The following RPS3 variants were observed in gnomAD, a reference collection of about 807,000 sequenced individuals.
RPS3 encodes the protein small ribosomal subunit protein uS3.
In RPS3, 2 loss-of-function variants were observed where a neutral mutation model predicts 25.8. That is an observed-to-expected ratio of 0.08 (90% CI 0.03 to 0.24). The LOEUF (loss-of-function observed/expected upper bound fraction) is 0.24. Among genes scored for constraint, RPS3 ranks in the 10% least tolerant of loss-of-function variants. The probability of loss-of-function intolerance (pLI) is 1.00; values close to 1 mark genes in which losing one functional copy is unlikely to be tolerated. For synonymous variants in RPS3, 114 were observed against 114.2 expected, an observed-to-expected ratio of 1.00 and a Z score of 0.01; for missense variants, 107 against 307.1, an observed-to-expected ratio of 0.35 and a Z score of 4.87.
In RPS3 at chr11:75,419,034, G is replaced by A. The variant is rs998481885; in HGVS notation, c.*4-2693G>A. Among the ~76,000 whole-genome samples the A allele has an allele frequency of 2.6e-5, 4 of 152,136 alleles. No homozygotes were observed. In the South Asian group the frequency reaches 8.3e-4, roughly 32 times the overall value. On this transcript the variant is annotated intron_variant, in intron 6 of 6. Transcript: ENST00000527446. ...TTTTTGCTTTTTAGAGCGAGCTTCC[G>A]GGGAAGCATAGCACAGCAATAGGGC...
chr11:75,401,491 A>G, intron 2 of RPS3, 149 bp from the exon 3 acceptor site: 1 of 611,792 alleles, frequency 1.6e-6, no homozygotes, highest in Non-Finnish European at 2.9e-6. Flanking sequence ...CCCTGTCTCA[A>G]AAAAAAAAGC....
At chr11:75,414,467 C>T (rs1387075993) in intron 6 of RPS3, among the ~76,000 whole-genome samples, 1 of 152,122 alleles carries the variant, frequency 6.6e-6, no homozygotes, top group African/African-American at 2.4e-5. Context: ...AAAAATTAGC[C>T]AGGCGTGGTG....
At chr11:75,420,080 C>T (rs922185486) in intron 6 of RPS3, among the ~76,000 whole-genome samples, 30 of 152,148 alleles carry the variant, frequency 2.0e-4, no homozygotes, top group Non-Finnish European at 2.1e-4. Flanking sequence ...AACAAGGGAG[C>T]GAACGGCAAA....
downstream of RPS3, among the ~76,000 whole-genome samples, chr11:75,408,949 C>G (rs1053111619): frequency 1.3e-5 from 2 of 151,938 alleles, no homozygotes; most frequent in African/African-American, 2.4e-5. Flanking sequence ...CTCTATATGC[C>G]ACTCTAAACA....
chr11:75,416,207 A>G (rs907241459), intron 6 of RPS3, among the ~76,000 whole-genome samples: 4 of 152,140 alleles, frequency 2.6e-5, no homozygotes, highest in African/African-American at 9.7e-5. Context: ...CTGACCTATC[A>G]CAGCAAGTGC....
At chr11:75,408,609 G>T (rs1948310794), downstream of RPS3, among the ~76,000 whole-genome samples, 1 of 152,088 alleles carries the variant, frequency 6.6e-6, no homozygotes, top group African/African-American at 2.4e-5. Context: ...AGACAGTCTT[G>T]CTCTGTCGCC....
intron 6 of RPS3, among the ~76,000 whole-genome samples, chr11:75,417,783 G>T (rs1390794344): frequency 6.6e-6 from 1 of 152,228 alleles, no homozygotes; most frequent in African/African-American, 2.4e-5. Flanking sequence ...GCTTTCTGAG[G>T]TGCTGCTTGT....
chr11:75,417,437 T>C (rs1948408640), intron 6 of RPS3, among the ~76,000 whole-genome samples: 2 of 151,840 alleles, frequency 1.3e-5, no homozygotes, highest in Admixed American at 6.6e-5. Flanking sequence ...CTACTAAAAA[T>C]ACAAAAAAAA....
Position 75,402,348 on chromosome 11 carries a change from AAAGCTTTATGCTG to A in RPS3, c.256-1_267del. 6.2e-7 allele frequency: 1 copy of A among 1,613,620 alleles called. No homozygotes were observed. Among genetic ancestry groups the A allele is most frequent in the Non-Finnish European group, 8.5e-7 (1 of 1,179,520 alleles). ...TAACAGGATATCCCTTGCTTCCTTT[AAAGCTTTATGCTG>A]AAAAGGTGGCCACTAGAGGTCTGTG... is the stretch of plus-strand genomic sequence containing the variant. On this transcript the variant is annotated splice_acceptor_variant and splice_polypyrimidine_tract_variant and coding_sequence_variant and intron_variant, in exon 4 of 7. Transcript: ENST00000531188. LOFTEE classifies it high-confidence loss of function.
At chr11:75,401,504 C>A (rs148071363) in intron 2 of RPS3, 136 bp from the exon 3 acceptor site, 1 of 643,022 alleles carries the variant, frequency 1.6e-6, no homozygotes, top group African/African-American at 1.8e-5. Flanking sequence ...AAAAAAGCTG[C>A]GTTTTAAAAA....
At chr11:75,420,093 C>T (rs1948430612) in intron 6 of RPS3, among the ~76,000 whole-genome samples, 1 of 152,318 alleles carries the variant, frequency 6.6e-6, no homozygotes. Context: ...ACGGCAAAGC[C>T]GCACACCTGA....
At chr11:75,410,357 C>T (rs1365747559), downstream of RPS3, among the ~76,000 whole-genome samples, 5 of 151,244 alleles carry the variant, frequency 3.3e-5, no homozygotes, top group East Asian at 2.0e-4. Context: ...GACAGGGCGG[C>T]GGGGCAGAGG....
chr11:75,404,295 T>C lies in RPS3; in HGVS notation c.538+88T>C. ...CTTAAGTATTTGGGGGAGTTTATCATGGAAGTAGCTGGGCATGTTCATATT... is the reference window on the plus strand; with the variant it reads ...CTTAAGTATTTGGGGGAGTTTATCACGGAAGTAGCTGGGCATGTTCATATT... On this transcript the variant is annotated intron_variant, in intron 5 of 6. Coordinates refer to ENST00000531188, the MANE Select transcript of RPS3 (RefSeq NM_001005.5). The surrounding 1 kb of genome is among the most constrained non-coding windows in gnomAD (Gnocchi z 4.6). 8.4e-7 allele frequency: 1 copy of C among 1,191,020 alleles called. No individual in the cohort carries two copies. The highest frequency in any genetic ancestry group is 1.2e-6 in the Non-Finnish European group (1 of 814,136). 73.8% of individuals were successfully genotyped at this position (1,191,020 alleles called of 1,614,324 possible). A position where few individuals can be genotyped will look rare whatever the true frequency, so the allele number is the denominator to read the frequency against.
Position 75,404,549 on chromosome 11 carries a change from G to A in RPS3, c.539-123G>A, listed in dbSNP as rs1324812092. 3 of 920,914 alleles carry A rather than the reference G, an allele frequency of 3.3e-6. No homozygotes were observed. Among genetic ancestry groups the A allele is most frequent in the African/African-American group, 3.2e-5 (2 of 61,708 alleles). The allele number at this position is 920,914 out of a possible 1,614,324, so 57.0% of individuals were successfully genotyped here. On this transcript the variant is annotated intron_variant, in intron 5 of 6. Coordinates refer to ENST00000531188, the MANE Select transcript of RPS3 (RefSeq NM_001005.5). This position sits in a 1 kb window ranked among gnomAD's most constrained non-coding sequence, Gnocchi z 4.6. Reference sequence around the variant, plus strand: ...TGTCCTATTTATTGATCGATTTAGAGGCATTTGTCTGAGAAGGGTCCAGAC... The same window carrying A: ...TGTCCTATTTATTGATCGATTTAGAAGCATTTGTCTGAGAAGGGTCCAGAC...
intron 6 of RPS3, among the ~76,000 whole-genome samples, chr11:75,421,297 G>C (rs1948442880): frequency 6.6e-6 from 1 of 152,182 alleles, no homozygotes; most frequent in Admixed American, 6.5e-5. Flanking sequence ...GGGGTGGGAT[G>C]TGGGGCTGGC....
At chr11:75,419,553 C>T (rs183692611) in intron 6 of RPS3, among the ~76,000 whole-genome samples, 4 of 144,098 alleles carry the variant, frequency 2.8e-5, no homozygotes, top group Non-Finnish European at 6.1e-5. Context: ...GACTCCTTCT[C>T]AAACAAAAAA....
chr11:75,409,193 A>G (rs565016726), downstream of RPS3, among the ~76,000 whole-genome samples: 13 of 149,328 alleles, frequency 8.7e-5, no homozygotes, highest in Non-Finnish European at 1.9e-4. Context: ...TTATTTATTT[A>G]TTTATTTTTT....
Position 75,402,473 on chromosome 11 carries a change from T to C in RPS3, c.350+27T>C, listed in dbSNP as rs538264377. 1.8e-4 allele frequency: 288 copies of C among 1,582,768 alleles called. 3 individuals are homozygous for C. The South Asian group carries it at 3.1e-3, about 17-fold the overall frequency. On this transcript the variant is annotated intron_variant, in intron 4 of 6. Transcript: ENST00000531188. Reference sequence around the variant, plus strand: ...TAAGTGTCCTGAGACCTAATGGTCATGACCTTTTGTGTGTATCAACATACA... The same window carrying C: ...TAAGTGTCCTGAGACCTAATGGTCACGACCTTTTGTGTGTATCAACATACA...
Position 75,404,283 on chromosome 11 carries a change from G to A in RPS3, c.538+76G>A. ...TTCCACAGACATCTTAAGTATTTGG[G>A]GGAGTTTATCATGGAAGTAGCTGGG... On this transcript the variant is annotated intron_variant, in intron 5 of 6. Transcript: ENST00000531188. This position sits in a 1 kb window ranked among gnomAD's most constrained non-coding sequence, Gnocchi z 4.6. 7.3e-7 allele frequency: 1 copy of A among 1,365,144 alleles called. No homozygotes were observed. The highest frequency in any genetic ancestry group is 1.0e-6 in the Non-Finnish European group (1 of 969,822). 84.6% of individuals were successfully genotyped at this position (1,365,144 alleles called of 1,614,324 possible).
Sources: gnomAD v4.1 joint callset for allele counts (sites outside exome capture counted in the v4.1 genomes callset) on GRCh38, gnomAD v4.1.1 for gene constraint, Gnocchi (gnomAD v3.1) non-coding constraint, MANE v1.5 for transcripts, NCBI Gene and HGNC (gene_info 2026-07-23, HGNC 2026-07-21) for gene names.